Variants in CHD5 observed in about 807,000 individuals in gnomAD.
CHD5 encodes chromodomain helicase DNA binding protein 5, also known as ATP-dependent chromatin remodeler CHD5.
Under a neutral mutation model 230.3 loss-of-function variants are expected in CHD5, and 69 were observed. The observed-to-expected ratio is 0.30, with a 90% CI of 0.25 to 0.37. The LOEUF (loss-of-function observed/expected upper bound fraction) is 0.37, where lower values mean the gene tolerates loss of function less well. Among genes scored for constraint, CHD5 ranks in the 10% least tolerant of loss-of-function variants. CHD5 has a pLI of 1.00. For synonymous variants in CHD5, 1,064 were observed against 1,065.9 expected (o/e 1.00, Z 0.03); for missense variants, 1,827 against 2,622.8 (o/e 0.70, Z 6.63).
intron 6 of CHD5, 27 bp downstream of exon 6, chr1:6,152,385 C>T (rs1557555752): frequency 6.2e-7 from 1 of 1,602,626 alleles, no homozygotes; most frequent in African/African-American, 1.3e-5. Flanking sequence ...CAAATGCACA[C>T]ACACGCGCAC....
intron 33 of CHD5, among the ~76,000 whole-genome samples, chr1:6,118,102 A>G (rs1666405004): frequency 2.0e-5 from 3 of 152,202 alleles, no homozygotes; most frequent in African/African-American, 7.2e-5. Flanking sequence ...GCATAAAAAG[A>G]AATGAAGTAC....
At chr1:6,107,099 T>TGGAGGGGTGGAAGGAC (rs1190518247) in intron 38 of CHD5, among the ~76,000 whole-genome samples, 1 of 100,364 alleles carries the variant, frequency 1.0e-5, no homozygotes, top group Non-Finnish European at 2.0e-5. Context: ...GACGGACGAA[T>TGGAGGGGTGGAAGGAC]GGAGGGGTGG....
chr1:6,127,488 G>GAAA (rs60445684), intron 25 of CHD5, among the ~76,000 whole-genome samples: 9 of 141,166 alleles, frequency 6.4e-5, no homozygotes, highest in East Asian at 2.1e-4. Context: ...TCCATTTCAA[G>GAAA]AAAAAAAAAA....
In CHD5 at chr1:6,102,738, G is replaced by A. The variant is rs1445473994; in HGVS notation, c.*2736C>T. On this transcript the variant is annotated 3_prime_UTR_variant, in exon 42 of 42. Coordinates refer to ENST00000262450, the MANE Select transcript of CHD5 (RefSeq NM_015557.3). Reference sequence around the variant, plus strand: ...AGCAGGAGGACTTCAATCATAGGGGGCAGGGAAAGTCCAGCCTGCCCCTGG... The same window carrying A: ...AGCAGGAGGACTTCAATCATAGGGGACAGGGAAAGTCCAGCCTGCCCCTGG... 3 of 151,834 alleles carry A rather than the reference G, an allele frequency of 2.0e-5. No individual in the cohort carries two copies. Among genetic ancestry groups the A allele is most frequent in the East Asian group, 2.0e-4 (1 of 5,052 alleles). 9.4% of individuals were successfully genotyped at this position (151,834 alleles called of 1,614,324 possible). A position where few individuals can be genotyped will look rare whatever the true frequency, so the allele number is the denominator to read the frequency against.
chr1:6,120,155 C>T (rs1458155039), intron 33 of CHD5, among the ~76,000 whole-genome samples: 2 of 152,086 alleles, frequency 1.3e-5, no homozygotes, highest in African/African-American at 4.8e-5. Flanking sequence ...GCCACCATGC[C>T]CAGCCCTAAT....
At chr1:6,106,565 C>A (rs1157421426) in intron 39 of CHD5, 51 bp downstream of exon 39, 1 of 1,550,628 alleles carries the variant, frequency 6.4e-7, no homozygotes, top group Non-Finnish European at 8.7e-7. Flanking sequence ...CCAGCCTCCA[C>A]CCAGGGGCAC....
chr1:6,143,839 T>C lies in CHD5; in HGVS notation c.2027A>G (p.Asp676Gly). ...LRDDKQEKPP[D>G]TPIVDPTVKF... ...CCCACTCACGTCCACAATGGGCGTG[T>C]CCGGCGGCTTCTCCTGCTTGTCGTC... The change falls in exon 13 of 42, where the codon GAC (aspartate) becomes GGC (glycine). Residue 676 changes from aspartate (D) to glycine (G), a missense_variant. Asp to Gly is a moderately conservative substitution (Grantham distance 94). Transcript: ENST00000262450. 1 of 1,611,586 alleles carries C rather than the reference T, an allele frequency of 6.2e-7. No homozygotes were observed. Among genetic ancestry groups the C allele is most frequent in the South Asian group, 1.1e-5 (1 of 90,982 alleles).
rs767484893 is a variant in CHD5 at position 6,142,109 on chromosome 1, A to T, written c.2436+19T>A. ...CCGGGGGCCTTCCTACCGTCCTTCC[A>T]AGGATAGCGAGCCCTCACCTTCATA... On this transcript the variant is annotated intron_variant, in intron 15 of 41. Transcript: ENST00000262450. This position sits in a 1 kb window ranked among gnomAD's most constrained non-coding sequence, Gnocchi z 5.2. 6.2e-7 allele frequency: 1 copy of T among 1,606,186 alleles called. No individual in the cohort carries two copies. Among genetic ancestry groups the T allele is most frequent in the South Asian group, 1.1e-5 (1 of 90,924 alleles).
At chr1:6,173,745 T>C (rs1667375472) in intron 1 of CHD5, among the ~76,000 whole-genome samples, 1 of 152,152 alleles carries the variant, frequency 6.6e-6, no homozygotes, top group Non-Finnish European at 1.5e-5. Context: ...GGCAGCGGTC[T>C]CTAGTTTGGC....
In CHD5 at chr1:6,136,567, G is replaced by A. The variant is rs750952550; in HGVS notation, c.2646C>T (p.Asn882=). The change falls in exon 17 of 42, where the codon AAC becomes AAT. Residue 882 remains asparagine (N), a synonymous_variant. Transcript: ENST00000262450. ...TGAGGAGATGGAACAGCTCCTCCAG[G>A]TTGTTCTGAAGGGGGGTCCCTGTCA... ...LLLTGTPLQN[N]LEELFHLLNF... The A allele has an allele frequency of 6.2e-7, 1 of 1,614,144 alleles. No homozygotes were observed. Among genetic ancestry groups the A allele is most frequent in the South Asian group, 1.1e-5 (1 of 91,078 alleles).
At chr1:6,163,907 G>A (rs1284025925) in intron 2 of CHD5, among the ~76,000 whole-genome samples, 6 of 152,200 alleles carry the variant, frequency 3.9e-5, no homozygotes, top group African/African-American at 7.2e-5. Context: ...TACAGGGGAC[G>A]CCCTACCAGC....
intron 41 of CHD5, among the ~76,000 whole-genome samples, 174 bp downstream of exon 41, chr1:6,106,060 G>A (rs1034422949): frequency 1.3e-5 from 2 of 152,228 alleles, no homozygotes; most frequent in Admixed American, 6.5e-5. Flanking sequence ...CAGGGCCAAG[G>A]GGGCAAGGTA....
In CHD5 at chr1:6,126,038, A is replaced by C. The variant is rs185419083; in HGVS notation, c.4079-180T>G. ...TAATCCCAACACCACCACGTTATAC[A>C]CTAAGGGTACCATGTGTACCCACAC... On this transcript the variant is annotated intron_variant, in intron 26 of 41. Coordinates refer to ENST00000262450, the MANE Select transcript of CHD5 (RefSeq NM_015557.3). The surrounding 1 kb of genome is among the most constrained non-coding windows in gnomAD (Gnocchi z 5.7). Among the ~76,000 whole-genome samples, 279 of 152,226 alleles carry C rather than the reference A, an allele frequency of 1.8e-3. No individual in the cohort carries two copies. Among genetic ancestry groups the C allele is most frequent in the African/African-American group, 6.2e-3 (256 of 41,532 alleles).
intron 2 of CHD5, 125 bp from the exon 3 acceptor site, chr1:6,159,640 C>T (rs763603218): frequency 5.4e-6 from 4 of 742,396 alleles, no homozygotes; most frequent in Non-Finnish European, 8.7e-6. Context: ...CCCATCACTC[C>T]ACTCATCATC....
chr1:6,112,913 C>T lies in CHD5; in HGVS notation c.4998G>A (p.Arg1666=). Residue 1666 remains arginine (R), a synonymous_variant, in exon 34 of 42, where the codon AGG becomes AGA. Transcript: ENST00000262450. The stretch of plus-strand genomic sequence containing the variant: ...GAACACAGAAGAGCCCCAGACCTGG[C>T]CTGAGTTCGGAACTGTCCCCTCTGC... The part of the protein sequence containing the change: ...IHSRGDSSEL[R]PDDTKAEEKE... 1 of 1,612,706 alleles carries T rather than the reference C, an allele frequency of 6.2e-7. No individual in the cohort carries two copies. The highest frequency in any genetic ancestry group is 8.5e-7 in the Non-Finnish European group (1 of 1,178,864).
chr1:6,123,698 G>A (rs534826598), intron 31 of CHD5, among the ~76,000 whole-genome samples: 2 of 49,250 alleles, frequency 4.1e-5, no homozygotes, highest in South Asian at 1.3e-3. Context: ...AAAGTGCTGT[G>A]ATTAACAGGT....
At position 6,121,110 on chromosome 1, in the gene CHD5, G is replaced by A. The variant is rs754478607; in HGVS notation, c.4907C>T (p.Pro1636Leu). ...GGCCTGCAAGAAGCCCCAACCTCTC[G>A]GCAGCTGCTCCGGGGAGGGCGGGGC... ...EKAPPSPEQL[P>L]REEVLPEKEK... The change falls in exon 33 of 42, where the codon CCG becomes CTG. Residue 1636 changes from proline to leucine, a missense_variant. Transcript: ENST00000262450. This position sits in a 1 kb window ranked among gnomAD's most constrained non-coding sequence, Gnocchi z 4.5. 8 of 1,597,292 alleles carry A rather than the reference G, an allele frequency of 5.0e-6. No homozygotes were observed. The highest frequency in any genetic ancestry group is 1.3e-5 in the African/African-American group (1 of 74,412).
Position 6,125,286 on chromosome 1 carries a change from G to T in CHD5, c.4261-53C>A. Reference sequence around the variant, plus strand: ...GCCCAGGACAGAGAGGGGTGGGGGTGGAGGATTCTGGGATGGGGGAAGAAA... The same window carrying T: ...GCCCAGGACAGAGAGGGGTGGGGGTTGAGGATTCTGGGATGGGGGAAGAAA... On this transcript the variant is annotated intron_variant, in intron 28 of 41. Transcript: ENST00000262450. This position sits in a 1 kb window ranked among gnomAD's most constrained non-coding sequence, Gnocchi z 6.7. 4.0e-6 allele frequency: 6 copies of T among 1,518,986 alleles called. No homozygotes were observed. The highest frequency in any genetic ancestry group is 5.3e-6 in the Non-Finnish European group (6 of 1,124,188). The allele number at this position is 1,518,986 out of a possible 1,614,324, so 94.1% of individuals were successfully genotyped here. A position where few individuals can be genotyped will look rare whatever the true frequency, so the allele number is the denominator to read the frequency against.
Position 6,130,324 on chromosome 1 carries a change from G to A in CHD5, c.3267C>T (p.Pro1089=), listed in dbSNP as rs762188393. Residue 1089 remains proline, a synonymous_variant, in exon 22 of 42, where the codon CCC becomes CCT. Transcript: ENST00000262450. This position sits in a 1 kb window ranked among gnomAD's most constrained non-coding sequence, Gnocchi z 4.9. ...GGAGGAAGCAGAACTGCTGGGCCCCGGGGGCTGAAAAAGAGAGGCCAGCAG... is the reference window on the plus strand; with the variant it reads ...GGAGGAAGCAGAACTGCTGGGCCCCAGGGGCTGAAAAAGAGAGGCCAGCAG... The part of the protein sequence containing the change: ...RQEAIDRFNA[P]GAQQFCFLLS... 1.2e-5 allele frequency: 20 copies of A among 1,613,112 alleles called. No homozygotes were observed. The highest frequency in any genetic ancestry group is 1.6e-4 in the Middle Eastern group (1 of 6,076).
Sources: allele counts gnomAD v4.1 joint callset (sites outside exome capture counted in the v4.1 genomes callset), GRCh38; gene constraint gnomAD v4.1.1; non-coding constraint Gnocchi (gnomAD v3.1); transcripts MANE v1.5; gene names NCBI Gene and HGNC (gene_info 2026-07-23, HGNC 2026-07-21).